Variants in IL1RAPL2 observed in about 807,000 individuals in gnomAD.
IL1RAPL2 encodes X-linked interleukin-1 receptor accessory protein-like 2.
A neutral mutation model predicts 44.1 loss-of-function variants in IL1RAPL2; 3 were observed. The ratio of observed to expected loss-of-function variants is 0.07; its 90% CI spans 0.03 to 0.18. IL1RAPL2 has a LOEUF of 0.18. Ranked by LOEUF, IL1RAPL2 falls within the 10% of genes least tolerant of loss-of-function variation. The probability of loss-of-function intolerance (pLI) is 1.00; values close to 1 mark genes in which losing one functional copy is unlikely to be tolerated. For missense variants in IL1RAPL2, 391 were observed against 496.4 expected (o/e 0.79, Z 2.02); for synonymous variants, 181 against 178.8 (o/e 1.01, Z -0.10).
intron 5 of IL1RAPL2, among the ~76,000 whole-genome samples, chrX:105,472,015 G>A (rs776955068): frequency 7.8e-4 from 86 of 109,898 alleles, no homozygotes; most frequent in Non-Finnish European, 1.3e-3. Flanking sequence ...TGCAGAGGAA[G>A]TGTCAGTCCA....
intron 6 of IL1RAPL2, among the ~76,000 whole-genome samples, chrX:105,645,812 T>C (rs775705278): frequency 8.9e-6 from 1 of 112,203 alleles, no homozygotes; most frequent in East Asian, 2.8e-4. Context: ...TGCCCAAACA[T>C]GTGAATTATT....
intron 3 of IL1RAPL2, among the ~76,000 whole-genome samples, chrX:105,200,674 G>A (rs1402325845): frequency 8.9e-6 from 1 of 111,943 alleles, no homozygotes; most frequent in Non-Finnish European, 1.9e-5. Context: ...CACTTTGGGA[G>A]GCTGAGGCAG....
chrX:104,652,859 C>T (rs1482606398), intron 1 of IL1RAPL2, among the ~76,000 whole-genome samples: 2 of 111,409 alleles, frequency 1.8e-5, no homozygotes, highest in Non-Finnish European at 3.8e-5. Context: ...CTTCCTTTTT[C>T]TTCAAACAGA....
chrX:105,598,152 C>T (rs2037225461), intron 6 of IL1RAPL2, among the ~76,000 whole-genome samples: 1 of 110,793 alleles, frequency 9.0e-6, no homozygotes, highest in Non-Finnish European at 1.9e-5. Flanking sequence ...AAAATCCTGC[C>T]ATTTACAAGC....
At chrX:105,195,362 T>C in intron 2 of IL1RAPL2, 113 bp from the exon 3 acceptor site, 1 of 710,001 alleles carries the variant, frequency 1.4e-6, no homozygotes, top group Non-Finnish European at 2.2e-6. Context: ...CTGGGAAGAT[T>C]GAATGAAGTA....
intron 3 of IL1RAPL2, among the ~76,000 whole-genome samples, chrX:105,210,984 T>G (rs2033803808): frequency 9.0e-6 from 1 of 111,352 alleles, no homozygotes; most frequent in South Asian, 3.9e-4. Context: ...GAGACCAACC[T>G]GCCACCCACC....
At chrX:105,124,487 T>A in intron 2 of IL1RAPL2, among the ~76,000 whole-genome samples, 1 of 110,659 alleles carries the variant, frequency 9.0e-6, no homozygotes, top group East Asian at 2.8e-4. Flanking sequence ...TATAGGCTCA[T>A]AAATGTTATA....
intron 2 of IL1RAPL2, among the ~76,000 whole-genome samples, chrX:104,851,475 T>C (rs1479123531): frequency 8.9e-6 from 1 of 111,778 alleles, no homozygotes; most frequent in Non-Finnish European, 1.9e-5. Context: ...TTTAAAGTGG[T>C]CTTTTAACTA....
At chrX:105,371,703 T>G (rs894458102) in intron 5 of IL1RAPL2, among the ~76,000 whole-genome samples, 2 of 112,245 alleles carry the variant, frequency 1.8e-5, no homozygotes, top group Admixed American at 9.5e-5. Context: ...GAAGACAGAT[T>G]GTTCAGAGAA....
chrX:104,946,998 T>A (rs1406861274), intron 2 of IL1RAPL2, among the ~76,000 whole-genome samples: 5 of 101,783 alleles, frequency 4.9e-5, no homozygotes, highest in Non-Finnish European at 1.0e-4. Flanking sequence ...CACACTGACT[T>A]CCACAATGGT....
chrX:105,299,429 C>T (rs1424910015), intron 5 of IL1RAPL2, among the ~76,000 whole-genome samples: 2 of 110,870 alleles, frequency 1.8e-5, no homozygotes, highest in Admixed American at 9.6e-5. Context: ...TTAAGTGTCT[C>T]GGAGTGGGCT....
At chrX:104,981,053 T>TATTGTG (rs1835800478) in intron 2 of IL1RAPL2, among the ~76,000 whole-genome samples, 1 of 81,240 alleles carries the variant, frequency 1.2e-5, no homozygotes, top group African/African-American at 6.1e-5. Context: ...TATTCCAAGG[T>TATTGTG]ATTGTGTGTG....
intron 5 of IL1RAPL2, among the ~76,000 whole-genome samples, chrX:105,440,233 A>G (rs892331854): frequency 1.2e-4 from 13 of 112,070 alleles, no homozygotes; most frequent in Non-Finnish European, 2.3e-4. Flanking sequence ...TCTTTCTTCT[A>G]TTGCTGCTTC....
intron 2 of IL1RAPL2, among the ~76,000 whole-genome samples, chrX:105,002,149 T>C (rs2030862311): frequency 9.0e-6 from 1 of 110,996 alleles, no homozygotes; most frequent in Non-Finnish European, 1.9e-5. Context: ...GTTCTGCCTG[T>C]TATCCACCAA....
intron 2 of IL1RAPL2, among the ~76,000 whole-genome samples, chrX:104,941,015 C>T (rs1432021942): frequency 2.8e-5 from 3 of 108,901 alleles, no homozygotes; most frequent in African/African-American, 6.7e-5. Context: ...CTCCATGTCC[C>T]TACAAAGGAC....
chrX:104,848,121 C>G (rs1302888169), intron 2 of IL1RAPL2, among the ~76,000 whole-genome samples: 1 of 110,286 alleles, frequency 9.1e-6, no homozygotes, highest in East Asian at 2.8e-4. Flanking sequence ...TCTAAATATA[C>G]AATCATGTCA....
intron 2 of IL1RAPL2, among the ~76,000 whole-genome samples, chrX:104,962,539 A>G (rs928952273): frequency 8.9e-6 from 1 of 112,154 alleles, no homozygotes; most frequent in African/African-American, 3.2e-5. Flanking sequence ...TATGCTACAC[A>G]CTAAATGTGC....
chrX:104,994,346 A>G (rs2030713042), intron 2 of IL1RAPL2, among the ~76,000 whole-genome samples: 1 of 111,706 alleles, frequency 9.0e-6, no homozygotes, highest in Non-Finnish European at 1.9e-5. Flanking sequence ...TGTGGTGAAA[A>G]AAATCAGAAC....
At chrX:105,542,509 A>G (rs910491063) in intron 6 of IL1RAPL2, among the ~76,000 whole-genome samples, 2 of 110,736 alleles carry the variant, frequency 1.8e-5, no homozygotes, top group Non-Finnish European at 3.8e-5. Flanking sequence ...TACCATCTCT[A>G]TACCACCAAT....
Sources: gnomAD v4.1 joint callset for allele counts (sites outside exome capture counted in the v4.1 genomes callset) on GRCh38, gnomAD v4.1.1 for gene constraint, MANE v1.5 for transcripts, NCBI Gene and HGNC (gene_info 2026-07-23, HGNC 2026-07-21) for gene names.